Variants in CAMTA1 observed in about 807,000 individuals in gnomAD.
CAMTA1 encodes the protein calmodulin binding transcription activator 1, also known as calmodulin-binding transcription activator 1.
CAMTA1 carries 27 observed loss-of-function variants against 170.9 expected under a neutral mutation model. That is an observed-to-expected ratio of 0.16 (90% CI 0.12 to 0.22). CAMTA1 has a LOEUF of 0.22. CAMTA1 is among the 10% of genes least tolerant of loss of function. The pLI, the probability that CAMTA1 is intolerant of heterozygous loss-of-function variation, is 1.00. For synonymous variants in CAMTA1, 833 were observed against 891.5 expected (o/e 0.93, Z 1.17); for missense variants, 1,619 against 2,217.2 (o/e 0.73, Z 5.42).
At chr1:7,194,131 A>G (rs998407132) in intron 4 of CAMTA1, among the ~76,000 whole-genome samples, 1 of 152,248 alleles carries the variant, frequency 6.6e-6, no homozygotes, top group African/African-American at 2.4e-5. Context: ...TTTTTGGCCC[A>G]TGACATGCGG....
At chr1:7,207,886 A>G (rs1658049175) in intron 4 of CAMTA1, among the ~76,000 whole-genome samples, 1 of 152,248 alleles carries the variant, frequency 6.6e-6, no homozygotes, top group Non-Finnish European at 1.5e-5. Flanking sequence ...CCTCAGGTCC[A>G]GGGATGTCCT....
At chr1:7,281,740 C>T (rs763664304) in intron 5 of CAMTA1, among the ~76,000 whole-genome samples, 2 of 150,364 alleles carry the variant, frequency 1.3e-5, no homozygotes, top group Non-Finnish European at 3.0e-5. Flanking sequence ...ATTATCATTG[C>T]AAAATTTTCC....
intron 6 of CAMTA1, among the ~76,000 whole-genome samples, chr1:7,521,116 T>C (rs2094359787): frequency 6.6e-6 from 1 of 152,206 alleles, no homozygotes; most frequent in South Asian, 2.1e-4. Flanking sequence ...TTCAAAGGAC[T>C]GTCCTCTATT....
At chr1:7,630,766 G>A (rs575004701) in intron 6 of CAMTA1, among the ~76,000 whole-genome samples, 8 of 152,294 alleles carry the variant, frequency 5.3e-5, no homozygotes, top group East Asian at 3.9e-4. Context: ...GCCAGCCATC[G>A]CTCAGAATCC....
At chr1:6,880,085 T>A (rs1297101878) in intron 3 of CAMTA1, among the ~76,000 whole-genome samples, 2 of 151,640 alleles carry the variant, frequency 1.3e-5, no homozygotes, top group East Asian at 3.9e-4. Context: ...ATTTTATTTA[T>A]TTTTTATATT....
rs375756462 is a variant in CAMTA1 at position 7,431,608 on chromosome 1, G to A, written c.439-36222G>A. On this transcript the variant is annotated intron_variant, in intron 5 of 22. Transcript: ENST00000303635. ...CCCGAATGGACGGCCACTTTGGGGT[G>A]GGCGCCAGGCAGTTAAGCCTGCTGG... 6.6e-5 allele frequency among the ~76,000 whole-genome samples: 10 copies of A among 152,288 alleles called. No homozygotes were observed. The East Asian group carries it at 1.2e-3, about 18-fold the overall frequency.
intron 3 of CAMTA1, among the ~76,000 whole-genome samples, chr1:6,852,423 G>A (rs1033659579): frequency 6.6e-6 from 1 of 152,130 alleles, no homozygotes; most frequent in East Asian, 1.9e-4. Context: ...CACAGGTTGA[G>A]AGCTTGGCCT....
chr1:7,434,039 T>G (rs899079692), intron 5 of CAMTA1, among the ~76,000 whole-genome samples: 5 of 151,836 alleles, frequency 3.3e-5, no homozygotes, highest in African/African-American at 4.8e-5. Flanking sequence ...CCCCTGTCCC[T>G]CCCCCACATC....
intron 6 of CAMTA1, among the ~76,000 whole-genome samples, chr1:7,521,557 T>A (rs1421306807): frequency 2.0e-5 from 3 of 152,142 alleles, no homozygotes; most frequent in Non-Finnish European, 4.4e-5. Context: ...TTCCTTTTTT[T>A]TTTCAGATGG....
In CAMTA1 at chr1:7,755,326, C is replaced by CAA. The variant is rs70987373; in HGVS notation, c.4959-287_4959-286dup. ...TGGGCGACAGGGAGAGACTCCGTCT[C>CAA]AAAAAAAAAAAAAAAAAAAAAAAAA... is the stretch of plus-strand genomic sequence containing the variant. On this transcript the variant is annotated intron_variant, in intron 21 of 22. Coordinates refer to ENST00000303635, the MANE Select transcript of CAMTA1 (RefSeq NM_015215.4). 5.1e-3 allele frequency among the ~76,000 whole-genome samples: 313 copies of CAA among 61,936 alleles called. 3 individuals are homozygous for CAA. Among genetic ancestry groups the CAA allele is most frequent in the African/African-American group, 0.018 (272 of 14,708 alleles). 40.6% of individuals were successfully genotyped at this position (61,936 alleles called of 152,430 possible).
In CAMTA1 at chr1:7,196,329, C is replaced by G. The variant is rs1307869081; in HGVS notation, c.303-53162C>G. Among the ~76,000 whole-genome samples the G allele has an allele frequency of 3.9e-5, 6 of 152,180 alleles. No individual in the cohort carries two copies. The East Asian group carries it at 1.2e-3, about 29-fold the overall frequency. ...CTGCAGCACTATGAGTCAACTAAAC[C>G]TCCTTTCTTCATAAACTACCCAGTC... On this transcript the variant is annotated intron_variant, in intron 4 of 22. Coordinates refer to ENST00000303635, the MANE Select transcript of CAMTA1 (RefSeq NM_015215.4).
chr1:7,348,497 C>G (rs1001529882), intron 5 of CAMTA1, among the ~76,000 whole-genome samples: 3 of 152,206 alleles, frequency 2.0e-5, no homozygotes, highest in Admixed American at 6.5e-5. Flanking sequence ...GCATAACCAC[C>G]TCCACCTGGC....
chr1:7,512,346 G>C (rs1407462071), intron 6 of CAMTA1, among the ~76,000 whole-genome samples: 1 of 152,220 alleles, frequency 6.6e-6, no homozygotes, highest in African/African-American at 2.4e-5. Context: ...CTGTAAGGGG[G>C]AGATTGGGGT....
Position 7,609,826 on chromosome 1 carries a change from A to G in CAMTA1, c.511-30574A>G, listed in dbSNP as rs531961601. ...CCTGTGAACACGTGTGAGTGCCAGG[A>G]ACTGAGGTTCCTGGCATCCGGGTAG... On this transcript the variant is annotated intron_variant, in intron 6 of 22. Coordinates refer to ENST00000303635, the MANE Select transcript of CAMTA1 (RefSeq NM_015215.4). This position sits in a 1 kb window ranked among gnomAD's most constrained non-coding sequence, Gnocchi z 4.4. Among the ~76,000 whole-genome samples, 57 of 152,250 alleles carry G rather than the reference A, an allele frequency of 3.7e-4. No homozygotes were observed. The South Asian group carries it at 0.011, about 29-fold the overall frequency.
rs1673637431 is a variant in CAMTA1 at position 6,887,790 on chromosome 1, T to C, written c.234+62580T>C. On this transcript the variant is annotated intron_variant, in intron 3 of 22. Coordinates refer to ENST00000303635, the MANE Select transcript of CAMTA1 (RefSeq NM_015215.4). The surrounding 1 kb of genome is among the most constrained non-coding windows in gnomAD (Gnocchi z 4.1). ...TTTCCCATCCTGCCAGCCCCATGTC[T>C]GGCTTTAAGACAGTTCTATTAGTGA... 4 of 1,530,776 alleles carry C rather than the reference T, an allele frequency of 2.6e-6. No individual in the cohort carries two copies. The highest frequency in any genetic ancestry group is 3.5e-6 in the Non-Finnish European group (4 of 1,144,406). The allele number at this position is 1,530,776 out of a possible 1,614,324, so 94.8% of individuals were successfully genotyped here.
intron 6 of CAMTA1, among the ~76,000 whole-genome samples, chr1:7,512,244 A>G (rs1042628353): frequency 6.6e-6 from 1 of 152,272 alleles, no homozygotes; most frequent in Non-Finnish European, 1.5e-5. Context: ...AGGGGCAAGG[A>G]GATGGCCCCA....
chr1:6,898,995 G>A (rs575059473), intron 3 of CAMTA1, among the ~76,000 whole-genome samples: 11 of 152,218 alleles, frequency 7.2e-5, no homozygotes, highest in Non-Finnish European at 1.5e-4. Context: ...CCACAAGCTC[G>A]CCTGTGGATC....
intron 3 of CAMTA1, among the ~76,000 whole-genome samples, chr1:6,991,614 T>A (rs1405555127): frequency 1.3e-5 from 2 of 152,242 alleles, no homozygotes; most frequent in African/African-American, 4.8e-5. Context: ...CTGGATACAG[T>A]TCTTTGTTAG....
chr1:6,993,754 T>C (rs948238870), intron 3 of CAMTA1, among the ~76,000 whole-genome samples: 1 of 152,198 alleles, frequency 6.6e-6, no homozygotes, highest in African/African-American at 2.4e-5. Context: ...AAAATGTGTT[T>C]CTTGTAGACA....
Sources: gnomAD v4.1 joint callset for allele counts (sites outside exome capture counted in the v4.1 genomes callset) on GRCh38, gnomAD v4.1.1 for gene constraint, Gnocchi (gnomAD v3.1) non-coding constraint, MANE v1.5 for transcripts, NCBI Gene and HGNC (gene_info 2026-07-23, HGNC 2026-07-21) for gene names.